Variants in PI4KA observed in about 807,000 individuals in gnomAD.
PI4KA encodes the protein phosphatidylinositol 4-kinase alpha.
A neutral mutation model predicts 271.4 loss-of-function variants in PI4KA; 122 were observed. That is an observed-to-expected ratio of 0.45 (90% confidence interval 0.39 to 0.52). PI4KA has a LOEUF of 0.52. Among genes scored for constraint, PI4KA ranks in the 20% least tolerant of loss-of-function variants. PI4KA has a pLI of 0.00. For missense variants in PI4KA, 1,969 were observed against 2,769.1 expected (o/e 0.71, Z 6.48); for synonymous variants, 1,041 against 1,078.8 (o/e 0.96, Z 0.69).
intron 32 of PI4KA, among the ~76,000 whole-genome samples, chr22:20,735,813 GCTTT>G (rs1405882533): frequency 6.6e-6 from 1 of 152,226 alleles, no homozygotes; most frequent in Non-Finnish European, 1.5e-5. Flanking sequence ...ACTAGAGCCT[GCTTT>G]CTGTTTCCTG....
chr22:20,831,663 G>C (rs758275585), intron 3 of PI4KA, among the ~76,000 whole-genome samples: 24 of 152,196 alleles, frequency 1.6e-4, no homozygotes, highest in African/African-American at 5.3e-4. Flanking sequence ...CTTCTGGCTT[G>C]TAGAGTTTCT....
rs183794924 is a variant in PI4KA at position 20,738,889 on chromosome 22, G to C, written c.3741+3339C>G. On this transcript the variant is annotated intron_variant, in intron 32 of 54. Coordinates refer to ENST00000255882, the MANE Select transcript of PI4KA (RefSeq NM_058004.4). ...TGCCAAGACCAGCTATTGAGTAGGA[G>C]GAGGAGCCACCAGACATAAGAAAGA... is the stretch of plus-strand genomic sequence containing the variant. 6.6e-5 allele frequency among the ~76,000 whole-genome samples: 10 copies of C among 152,282 alleles called. 1 individual carries two copies. Among genetic ancestry groups the C allele is most frequent in the African/African-American group, 2.4e-4 (10 of 41,570 alleles).
At chr22:20,740,208 G>T (rs1278642462) in intron 32 of PI4KA, among the ~76,000 whole-genome samples, 1 of 150,978 alleles carries the variant, frequency 6.6e-6, no homozygotes, top group Non-Finnish European at 1.5e-5. Flanking sequence ...TATACAAGAT[G>T]GTTTTACAGC....
At chr22:20,824,496 CCT>C (rs2147716422) in intron 3 of PI4KA, 82 bp from the exon 4 acceptor site, 1 of 943,770 alleles carries the variant, frequency 1.1e-6, no homozygotes, top group East Asian at 2.5e-5. Flanking sequence ...CAATATGTTC[CCT>C]CTCACCATGA....
At chr22:20,753,222 G>A (rs1480404068) in intron 23 of PI4KA, 42 bp from the exon 24 acceptor site, 9 of 1,544,384 alleles carry the variant, frequency 5.8e-6, no homozygotes, top group Non-Finnish European at 8.0e-6. Flanking sequence ...CAGCAACAGA[G>A]AGAGAATCCT....
chr22:20,729,721 A>C lies in PI4KA; in HGVS notation c.4409-10T>G, dbSNP rs1927787619. On this transcript the variant is annotated splice_polypyrimidine_tract_variant and intron_variant, in intron 37 of 54. Transcript: ENST00000255882. Reference sequence around the variant, plus strand: ...GTTTTCTTAGACATGCCTAGGAGGAAAGACAAAGCACAGGTGTAGTCCTCA... The same window carrying C: ...GTTTTCTTAGACATGCCTAGGAGGACAGACAAAGCACAGGTGTAGTCCTCA... The C allele has an allele frequency of 6.3e-7, 1 of 1,591,236 alleles. No homozygotes were observed.
At chr22:20,730,213 A>G (rs1927852203) in intron 36 of PI4KA, among the ~76,000 whole-genome samples, 1 of 152,180 alleles carries the variant, frequency 6.6e-6, no homozygotes, top group Non-Finnish European at 1.5e-5. Flanking sequence ...TAACTATTCT[A>G]GATGGAATGT....
intron 1 of PI4KA, among the ~76,000 whole-genome samples, chr22:20,857,533 T>G (rs1927752667): frequency 6.6e-6 from 1 of 152,186 alleles, no homozygotes; most frequent in African/African-American, 2.4e-5. Context: ...CCTCTCTCCA[T>G]GTGCCAAAAA....
intron 41 of PI4KA, 61 bp from the exon 42 acceptor site, chr22:20,726,602 C>T: frequency 6.9e-7 from 1 of 1,445,010 alleles, no homozygotes; most frequent in Non-Finnish European, 9.4e-7. Flanking sequence ...AACCCTACGG[C>T]CCAGGCCCTG....
intron 1 of PI4KA, among the ~76,000 whole-genome samples, chr22:20,855,712 AG>A (rs1327795051): frequency 1.3e-5 from 2 of 152,244 alleles, no homozygotes; most frequent in Non-Finnish European, 2.9e-5. Flanking sequence ...GTTTGTGCCC[AG>A]GAAAGTCCAT....
intron 43 of PI4KA, among the ~76,000 whole-genome samples, chr22:20,719,412 C>T (rs1414090769): frequency 2.6e-5 from 4 of 151,512 alleles, no homozygotes; most frequent in African/African-American, 4.9e-5. Flanking sequence ...ACTACAGGTG[C>T]GCATCACCAC....
chr22:20,829,970 T>C (rs1923940579), intron 3 of PI4KA, among the ~76,000 whole-genome samples: 1 of 152,234 alleles, frequency 6.6e-6, no homozygotes, highest in Admixed American at 6.5e-5. Context: ...TCAGTGATTT[T>C]CTTAGTATTT....
chr22:20,808,010 C>T (rs558337587), intron 9 of PI4KA, among the ~76,000 whole-genome samples: 3 of 151,874 alleles, frequency 2.0e-5, no homozygotes, highest in African/African-American at 7.2e-5. Context: ...AATAGTCCAG[C>T]CCGGGTGTGG....
Position 20,737,509 on chromosome 22 carries a change from G to C in PI4KA, c.3742-2956C>G, listed in dbSNP as rs1412063411. Among the ~76,000 whole-genome samples the C allele has an allele frequency of 2.0e-5, 3 of 152,212 alleles. No homozygotes were observed. In the East Asian group the frequency reaches 5.8e-4, roughly 29 times the overall value. ...GAAGTTCAAGGGCACCTGGACTAAG[G>C]AAGTGGAGAGGAGAGAGGTGGATCT... is the stretch of plus-strand genomic sequence containing the variant. On this transcript the variant is annotated intron_variant, in intron 32 of 54. Coordinates refer to ENST00000255882, the MANE Select transcript of PI4KA (RefSeq NM_058004.4).
chr22:20,751,919 T>C (rs925773259), intron 25 of PI4KA, among the ~76,000 whole-genome samples, 164 bp from the exon 26 acceptor site: 4 of 152,178 alleles, frequency 2.6e-5, no homozygotes, highest in East Asian at 1.9e-4. Context: ...CTCAGGCTCA[T>C]TGCAGTAAGG....
At chr22:20,855,701 A>G (rs1374863836) in intron 1 of PI4KA, among the ~76,000 whole-genome samples, 5 of 152,218 alleles carry the variant, frequency 3.3e-5, no homozygotes, top group Admixed American at 3.3e-4. Flanking sequence ...ACATGTGTGC[A>G]GTTTGTGCCC....
chr22:20,735,612 T>C (rs1045224020), intron 32 of PI4KA, among the ~76,000 whole-genome samples: 9 of 152,104 alleles, frequency 5.9e-5, no homozygotes, highest in Non-Finnish European at 1.2e-4. Context: ...GCAGCTGGCC[T>C]CTGCCTTTTG....
At chr22:20,774,633 C>T (rs568024449) in intron 19 of PI4KA, among the ~76,000 whole-genome samples, 9 of 151,976 alleles carry the variant, frequency 5.9e-5, no homozygotes, top group African/African-American at 1.4e-4. Flanking sequence ...TGGTGGCACG[C>T]GCCTGTAATC....
chr22:20,758,813 C>G lies in PI4KA; in HGVS notation c.2791+2491G>C, dbSNP rs181021818. Among the ~76,000 whole-genome samples, 209 of 152,278 alleles carry G rather than the reference C, an allele frequency of 1.4e-3. 1 individual carries two copies. Among genetic ancestry groups the G allele is most frequent in the African/African-American group, 4.7e-3 (194 of 41,562 alleles). On this transcript the variant is annotated intron_variant, in intron 23 of 54. Coordinates refer to ENST00000255882, the MANE Select transcript of PI4KA (RefSeq NM_058004.4). ...TGTAGAAACTGCCTGCCTGCACCTC[C>G]CATCCCTGGCCTCAAATGGGCTCCT... is the stretch of plus-strand genomic sequence containing the variant.
Sources: gnomAD v4.1 joint callset for allele counts (sites outside exome capture counted in the v4.1 genomes callset) on GRCh38, gnomAD v4.1.1 for gene constraint, MANE v1.5 for transcripts, NCBI Gene and HGNC (gene_info 2026-07-23, HGNC 2026-07-21) for gene names.